Variants in EPHA5 observed in about 807,000 individuals in gnomAD.
EPHA5 encodes EPH receptor A5.
Under a neutral mutation model 105.0 loss-of-function variants are expected in EPHA5, and 60 were observed. The observed-to-expected ratio is 0.57, with a 90% CI of 0.46 to 0.71. The LOEUF (loss-of-function observed/expected upper bound fraction) is 0.71. Ranked by LOEUF, EPHA5 falls within the 30% of genes least tolerant of loss-of-function variation. The probability of loss-of-function intolerance (pLI) is 0.00; values close to 1 mark genes in which losing one functional copy is unlikely to be tolerated. For synonymous variants in EPHA5, 513 were observed against 449.1 expected (o/e 1.14, Z -1.80); for missense variants, 1,218 against 1,274.7 (o/e 0.96, Z 0.68).
At position 65,490,573 on chromosome 4, in the gene EPHA5, T is replaced by G; in HGVS notation, c.1206A>C (p.Ala402=). The G allele has an allele frequency of 6.2e-7, 1 of 1,614,114 alleles. No individual in the cohort carries two copies. Residue 402 remains alanine (A), a synonymous_variant, in exon 5 of 17, where the codon GCA becomes GCC. Coordinates refer to ENST00000613740, the MANE Select transcript of EPHA5 (RefSeq NM_001281766.3). ...GACCGCCACACTCCTCACACACACC[T>G]GCATGGGAGTTGCACTTCTTGCATG... ...YIACKKCNSH[A]GVCEECGGHV... is the part of the protein sequence containing the mutation.
At chr4:65,549,103 C>T (rs1737650837) in intron 3 of EPHA5, among the ~76,000 whole-genome samples, 1 of 151,964 alleles carries the variant, frequency 6.6e-6, no homozygotes. Flanking sequence ...GTGCACAAAA[C>T]CAAAGAGCAA....
chr4:65,421,902 A>G (rs1723980638), intron 5 of EPHA5, among the ~76,000 whole-genome samples: 1 of 152,142 alleles, frequency 6.6e-6, no homozygotes, highest in African/African-American at 2.4e-5. Flanking sequence ...AATTTGTCTC[A>G]TAGGTGCACA....
chr4:65,521,040 A>G (rs1001608733), intron 3 of EPHA5, among the ~76,000 whole-genome samples: 2 of 152,170 alleles, frequency 1.3e-5, no homozygotes, highest in Non-Finnish European at 2.9e-5. Flanking sequence ...TACCCAAAAG[A>G]TTATAAATCA....
chr4:65,511,038 A>G (rs535135055), intron 3 of EPHA5, among the ~76,000 whole-genome samples: 1 of 152,218 alleles, frequency 6.6e-6, no homozygotes, highest in African/African-American at 2.4e-5. Flanking sequence ...CCAGGTGAGG[A>G]CACAGTGAGA....
rs368999628 is a variant in EPHA5 at position 65,414,423 on chromosome 4, C to A, written c.1548G>T (p.Thr516=). The part of the protein sequence containing the change: ...YFEKDQETSY[T]IIKSKETTIT... ...TAGTTGTCTCTTTAGATTTGATAAT[C>A]GTGTAGCTGGTCTCTTGGTCCTTGG... Residue 516 remains threonine (T), a synonymous_variant, in exon 7 of 17, where the codon ACG becomes ACT. Transcript: ENST00000613740. 3 of 1,613,858 alleles carry A rather than the reference C, an allele frequency of 1.9e-6. No individual in the cohort carries two copies. The highest frequency in any genetic ancestry group is 2.5e-6 in the Non-Finnish European group (3 of 1,179,848).
chr4:65,479,370 C>A (rs1578210797), intron 5 of EPHA5, among the ~76,000 whole-genome samples: 1 of 152,140 alleles, frequency 6.6e-6, no homozygotes, highest in East Asian at 1.9e-4. Context: ...ATACACTAAT[C>A]TGCTGTTCTA....
intron 5 of EPHA5, among the ~76,000 whole-genome samples, chr4:65,473,274 C>A (rs186011346): frequency 9.8e-4 from 149 of 152,264 alleles, no homozygotes; most frequent in African/African-American, 3.4e-3. Flanking sequence ...CCAACCTCTG[C>A]CTGTTACCCA....
At chr4:65,428,041 C>T (rs1724617549) in intron 5 of EPHA5, among the ~76,000 whole-genome samples, 1 of 152,022 alleles carries the variant, frequency 6.6e-6, no homozygotes, top group African/African-American at 2.4e-5. Context: ...GACATACATA[C>T]ATCTCTAAGA....
At chr4:65,587,420 A>T (rs1036059004) in intron 3 of EPHA5, among the ~76,000 whole-genome samples, 1 of 152,102 alleles carries the variant, frequency 6.6e-6, no homozygotes, top group Non-Finnish European at 1.5e-5. Context: ...AACATGTTTT[A>T]AAAAAATCCT....
At chr4:65,576,063 G>GAAAA (rs1428582716) in intron 3 of EPHA5, among the ~76,000 whole-genome samples, 2 of 56,050 alleles carry the variant, frequency 3.6e-5, no homozygotes, top group African/African-American at 1.4e-4. Flanking sequence ...AGAAAGAAAA[G>GAAAA]AAAAGAAAAG....
At chr4:65,390,123 T>TG (rs764896748) in intron 8 of EPHA5, among the ~76,000 whole-genome samples, 2 of 152,076 alleles carry the variant, frequency 1.3e-5, no homozygotes, top group Non-Finnish European at 2.9e-5. Context: ...CCTCTCTGGC[T>TG]GGGGAAAGAC....
chr4:65,633,732 G>A (rs1291664500), intron 2 of EPHA5, among the ~76,000 whole-genome samples: 1 of 151,952 alleles, frequency 6.6e-6, no homozygotes, highest in Non-Finnish European at 1.5e-5. Flanking sequence ...TATGCATCTG[G>A]TACAAGTCTG....
At chr4:65,348,731 GTA>G (rs1182608098) in intron 13 of EPHA5, among the ~76,000 whole-genome samples, 2 of 112,436 alleles carry the variant, frequency 1.8e-5, no homozygotes, top group African/African-American at 6.1e-5. Context: ...ATATGTGTGT[GTA>G]TATATATGTG....
chr4:65,610,836 T>C lies in EPHA5; in HGVS notation c.247-8532A>G, dbSNP rs914339267. On this transcript the variant is annotated intron_variant, in intron 2 of 16. Transcript: ENST00000613740. Reference sequence around the variant, plus strand: ...AACAAATAGGTTTATAAACCACTGATCTAGTTTAGTTCCATTATGGTACCA... The same window carrying C: ...AACAAATAGGTTTATAAACCACTGACCTAGTTTAGTTCCATTATGGTACCA... 1.1e-4 allele frequency among the ~76,000 whole-genome samples: 16 copies of C among 152,290 alleles called. No individual in the cohort carries two copies. In the East Asian group the frequency reaches 2.9e-3, roughly 28 times the overall value.
intron 5 of EPHA5, among the ~76,000 whole-genome samples, chr4:65,430,965 T>A (rs1724914119): frequency 6.6e-6 from 1 of 152,156 alleles, no homozygotes; most frequent in Admixed American, 6.6e-5. Flanking sequence ...CTGTGACGTG[T>A]AATTGTAAAA....
At chr4:65,599,449 C>A (rs760853055) in intron 3 of EPHA5, among the ~76,000 whole-genome samples, 17 of 152,056 alleles carry the variant, frequency 1.1e-4, no homozygotes, top group African/African-American at 2.2e-4. Flanking sequence ...TTCTCCAAAG[C>A]AAGCCCTCAA....
intron 3 of EPHA5, among the ~76,000 whole-genome samples, chr4:65,536,458 T>A (rs568559617): frequency 2.6e-5 from 4 of 151,994 alleles, no homozygotes; most frequent in African/African-American, 9.6e-5. Flanking sequence ...CCATATATAT[T>A]TTTTTATTAA....
intron 7 of EPHA5, among the ~76,000 whole-genome samples, chr4:65,406,212 T>C (rs912318072): frequency 1.3e-5 from 2 of 152,158 alleles, no homozygotes; most frequent in African/African-American, 2.4e-5. Context: ...AATAAATATT[T>C]ATATCTAAAC....
At chr4:65,606,544 A>G (rs1744248073) in intron 2 of EPHA5, among the ~76,000 whole-genome samples, 1 of 152,192 alleles carries the variant, frequency 6.6e-6, no homozygotes, top group South Asian at 2.1e-4. Context: ...CTAAGTATTT[A>G]TTAAAAGAGA....
Sources: allele counts gnomAD v4.1 joint callset (sites outside exome capture counted in the v4.1 genomes callset), GRCh38; gene constraint gnomAD v4.1.1; transcripts MANE v1.5; gene names NCBI Gene and HGNC (gene_info 2026-07-23, HGNC 2026-07-21).